Variants in CALN1 observed in about 807,000 individuals in gnomAD.
The protein encoded by CALN1 is calcium-binding protein 8.
A neutral mutation model predicts 30.6 loss-of-function variants in CALN1; 17 were observed. The ratio of observed to expected loss-of-function variants is 0.56; its 90% CI spans 0.38 to 0.83. CALN1 has a LOEUF of 0.83. Ranked by LOEUF, CALN1 falls within the 40% of genes least tolerant of loss-of-function variation. The pLI, the probability that CALN1 is intolerant of heterozygous loss-of-function variation, is 0.00. For synonymous variants in CALN1, 156 were observed against 131.4 expected (o/e 1.19, Z -1.28); for missense variants, 291 against 354.9 (o/e 0.82, Z 1.45).
intron 3 of CALN1, among the ~76,000 whole-genome samples, chr7:72,243,602 C>T (rs144774550): frequency 2.3e-3 from 354 of 152,202 alleles, no homozygotes; most frequent in Non-Finnish European, 3.4e-3. Flanking sequence ...CCCACTCCTC[C>T]GCCCCTGCCC....
At chr7:72,073,751 C>A (rs940889102) in intron 4 of CALN1, among the ~76,000 whole-genome samples, 4 of 151,824 alleles carry the variant, frequency 2.6e-5, no homozygotes, top group African/African-American at 9.7e-5. Context: ...TGGAGTGCAG[C>A]AGCACAAACA....
chr7:71,930,153 T>C (rs538740377), intron 5 of CALN1, among the ~76,000 whole-genome samples: 83 of 152,272 alleles, frequency 5.5e-4, no homozygotes, highest in Middle Eastern at 3.4e-3. Context: ...ACAGACACAA[T>C]TTTTTTCCCA....
At position 71,785,079 on chromosome 7, in the gene CALN1, C is replaced by T; in HGVS notation, c.*2696G>A. 1 of 390,616 alleles carries T rather than the reference C, an allele frequency of 2.6e-6. No homozygotes were observed. The highest frequency in any genetic ancestry group is 4.5e-6 in the Non-Finnish European group (1 of 221,632). The allele number at this position is 390,616 out of a possible 1,614,324, so 24.2% of individuals were successfully genotyped here. On this transcript the variant is annotated 3_prime_UTR_variant, in exon 7 of 7. Transcript: ENST00000395275. ...CCGCTAGCTCAGGGCCGTCTCCACG[C>T]ACTGTGTCCTTCAGTCCCTGGGTGC...
At chr7:72,331,989 T>C (rs1801710584) in intron 2 of CALN1, among the ~76,000 whole-genome samples, 1 of 152,214 alleles carries the variant, frequency 6.6e-6, no homozygotes, top group Non-Finnish European at 1.5e-5. Flanking sequence ...CCAAGGATAA[T>C]GGCCTCCAGC....
At chr7:72,190,226 C>A (rs985579144) in intron 3 of CALN1, among the ~76,000 whole-genome samples, 2 of 152,116 alleles carry the variant, frequency 1.3e-5, no homozygotes, top group Non-Finnish European at 2.9e-5. Flanking sequence ...CACGGTGGCA[C>A]ATCCAGCTAC....
At chr7:72,318,340 A>C (rs892734063) in intron 2 of CALN1, among the ~76,000 whole-genome samples, 4 of 152,156 alleles carry the variant, frequency 2.6e-5, no homozygotes, top group African/African-American at 9.7e-5. Flanking sequence ...CAACCTCTCC[A>C]ATAGTGTCTC....
At chr7:71,959,920 G>A (rs1797151769) in intron 5 of CALN1, among the ~76,000 whole-genome samples, 1 of 151,994 alleles carries the variant, frequency 6.6e-6, no homozygotes, top group Non-Finnish European at 1.5e-5. Context: ...GATCACCTGA[G>A]GTCAGGAGTT....
intron 6 of CALN1, among the ~76,000 whole-genome samples, chr7:71,795,494 T>C (rs537352384): frequency 6.6e-6 from 1 of 152,376 alleles, no homozygotes; most frequent in South Asian, 2.1e-4. Flanking sequence ...ACCATAAAAT[T>C]GGCCCTTGTT....
intron 5 of CALN1, among the ~76,000 whole-genome samples, chr7:71,920,127 A>G (rs1361088119): frequency 2.0e-5 from 3 of 152,176 alleles, no homozygotes; most frequent in African/African-American, 7.2e-5. Context: ...TCTATAGAGT[A>G]TCATGCCACT....
chr7:72,383,467 T>C (rs1377856886), intron 2 of CALN1, among the ~76,000 whole-genome samples: 3 of 152,202 alleles, frequency 2.0e-5, no homozygotes, highest in Middle Eastern at 3.2e-3. Context: ...TATCTCATTA[T>C]GGTTTTGATT....
intron 1 of CALN1, among the ~76,000 whole-genome samples, chr7:72,406,628 CTTTTT>C (rs71914682): frequency 6.9e-6 from 1 of 144,732 alleles, no homozygotes; most frequent in South Asian, 2.2e-4. Flanking sequence ...TTTTTTTTTT[CTTTTT>C]TAAGACGGAG....
chr7:71,870,193 G>C (rs1266107512), intron 5 of CALN1, among the ~76,000 whole-genome samples: 2 of 152,128 alleles, frequency 1.3e-5, no homozygotes, highest in South Asian at 4.1e-4. Context: ...GACCAACCTG[G>C]CCAACACGGT....
the CALN1 span, among the ~76,000 whole-genome samples, chr7:72,461,983 G>A: frequency 3.0e-3 from 459 of 151,948 alleles, 5 homozygotes; most frequent in African/African-American, 0.01. Flanking sequence ...ACTCCAGCCT[G>A]GGTGACAGAG....
At chr7:71,871,698 TC>T (rs1204344976) in intron 5 of CALN1, among the ~76,000 whole-genome samples, 1 of 152,128 alleles carries the variant, frequency 6.6e-6, no homozygotes, top group Non-Finnish European at 1.5e-5. Flanking sequence ...CCTGGAATAC[TC>T]TTCCATCATT....
rs559485776 is a variant in CALN1, at chr7:72,107,146, G to A, written c.245-852C>T. ...CCAGCAGAGAATCATGTTAACCAAGGACACTTTCTGAGCAAAGATGAGGAT... is the reference window on the plus strand; with the variant it reads ...CCAGCAGAGAATCATGTTAACCAAGAACACTTTCTGAGCAAAGATGAGGAT... On this transcript the variant is annotated intron_variant, in intron 3 of 6. Transcript: ENST00000395275. Among the ~76,000 whole-genome samples, 7 of 152,234 alleles carry A rather than the reference G, an allele frequency of 4.6e-5. No homozygotes were observed. In the South Asian group the frequency reaches 1.5e-3, roughly 32 times the overall value.
intron 3 of CALN1, among the ~76,000 whole-genome samples, chr7:72,158,595 G>A (rs1787886557): frequency 6.6e-6 from 1 of 152,098 alleles, no homozygotes; most frequent in Non-Finnish European, 1.5e-5. Flanking sequence ...GGCTACAGAG[G>A]GCCCTCATGG....
chr7:72,462,090 A>T, the CALN1 span, among the ~76,000 whole-genome samples: 1 of 152,164 alleles, frequency 6.6e-6, no homozygotes, highest in East Asian at 1.9e-4. Context: ...ATGCCAGGAA[A>T]CAGGTCAAAG....
chr7:72,375,166 G>T (rs1463481496), intron 2 of CALN1, among the ~76,000 whole-genome samples: 2 of 152,100 alleles, frequency 1.3e-5, no homozygotes, highest in Non-Finnish European at 2.9e-5. Flanking sequence ...TTTGTCTAGG[G>T]CAAAAGTCTT....
At chr7:71,985,318 G>A (rs1798606500) in intron 5 of CALN1, among the ~76,000 whole-genome samples, 1 of 152,140 alleles carries the variant, frequency 6.6e-6, no homozygotes. Flanking sequence ...AGGTATTGAT[G>A]AGATTGTGCA....
Sources: gnomAD v4.1 joint callset for allele counts (sites outside exome capture counted in the v4.1 genomes callset) on GRCh38, gnomAD v4.1.1 for gene constraint, MANE v1.5 for transcripts, NCBI Gene and HGNC (gene_info 2026-07-23, HGNC 2026-07-21) for gene names.